Variants in OPCML observed in about 807,000 individuals in gnomAD.
The protein encoded by OPCML is opioid-binding protein/cell adhesion molecule.
OPCML carries 13 observed loss-of-function variants against 37.8 expected under a neutral mutation model. That is an observed-to-expected ratio of 0.34 (90% confidence interval 0.22 to 0.55). The LOEUF (loss-of-function observed/expected upper bound fraction) is 0.55, where lower values mean the gene tolerates loss of function less well. Ranked by LOEUF, OPCML falls within the 20% of genes least tolerant of loss-of-function variation. The pLI is 0.91. For synonymous variants in OPCML, 176 were observed against 168.8 expected, an observed-to-expected ratio of 1.04 and a Z score of -0.33; for missense variants, 341 against 435.6, an observed-to-expected ratio of 0.78 and a Z score of 1.93.
intron 2 of OPCML, among the ~76,000 whole-genome samples, chr11:132,853,218 A>G (rs1207550536): frequency 6.6e-6 from 1 of 152,224 alleles, no homozygotes; most frequent in African/African-American, 2.4e-5. Context: ...GAAAATAAGA[A>G]TTTTGGAAAA....
At chr11:133,051,091 C>T (rs546151630) in intron 1 of OPCML, among the ~76,000 whole-genome samples, 1 of 151,344 alleles carries the variant, frequency 6.6e-6, no homozygotes, top group South Asian at 2.1e-4. Flanking sequence ...ACACACCTCT[C>T]AAAGCTTATG....
At chr11:132,788,512 G>A (rs974982099) in intron 2 of OPCML, among the ~76,000 whole-genome samples, 8 of 151,956 alleles carry the variant, frequency 5.3e-5, no homozygotes, top group African/African-American at 1.5e-4. Flanking sequence ...CCTCTTCCTC[G>A]AGATACCTGT....
intron 1 of OPCML, among the ~76,000 whole-genome samples, chr11:133,048,887 G>C (rs1438500157): frequency 2.0e-5 from 3 of 152,200 alleles, no homozygotes; most frequent in African/African-American, 7.2e-5. Flanking sequence ...TGCCAAGCAA[G>C]CTAGTATCAT....
chr11:133,368,795 TA>T (rs1944609537), intron 1 of OPCML, among the ~76,000 whole-genome samples: 1 of 152,176 alleles, frequency 6.6e-6, no homozygotes, highest in Admixed American at 6.5e-5. Flanking sequence ...CCACTTAGGA[TA>T]GGAGCCATCT....
rs11604719 is a variant in OPCML, at chr11:133,052,165, C to T, written c.62-109155G>A. On this transcript the variant is annotated intron_variant, in intron 1 of 7. Coordinates refer to ENST00000524381, the MANE Select transcript of OPCML (RefSeq NM_001012393.5). ...ATGAGTAGGACATTAATTGAATACCCTATTTCCAAATAAACTAAGGGTTTT... is the reference window on the plus strand; with the variant it reads ...ATGAGTAGGACATTAATTGAATACCTTATTTCCAAATAAACTAAGGGTTTT... Among the ~76,000 whole-genome samples the T allele has an allele frequency of 4.2e-3, 634 of 152,242 alleles. 1 individual carries two copies. The highest frequency in any genetic ancestry group is 7.8e-3 in the Admixed American group (120 of 15,302).
intron 3 of OPCML, among the ~76,000 whole-genome samples, chr11:132,561,993 T>C (rs369877885): frequency 2.0e-5 from 3 of 152,204 alleles, no homozygotes; most frequent in African/African-American, 7.2e-5. Flanking sequence ...TAGACCGAAC[T>C]GAAGGCTTCC....
At chr11:133,128,769 T>C (rs1949559072) in intron 1 of OPCML, among the ~76,000 whole-genome samples, 1 of 152,118 alleles carries the variant, frequency 6.6e-6, no homozygotes, top group Admixed American at 6.6e-5. Flanking sequence ...GAGCTTTTCA[T>C]TGACACCAGG....
At chr11:133,484,773 C>CAAACTATCA (rs1947491798) in intron 1 of OPCML, among the ~76,000 whole-genome samples, 1 of 152,052 alleles carries the variant, frequency 6.6e-6, no homozygotes, top group African/African-American at 2.4e-5. Flanking sequence ...TAGAAGCTTT[C>CAAACTATCA]AACTATCAAA....
intron 2 of OPCML, among the ~76,000 whole-genome samples, chr11:132,868,602 G>A (rs1044492471): frequency 3.3e-5 from 5 of 152,064 alleles, no homozygotes; most frequent in Non-Finnish European, 4.4e-5. Flanking sequence ...CTTCTGGCCC[G>A]TGGGGAAGAA....
intron 1 of OPCML, among the ~76,000 whole-genome samples, chr11:132,972,155 A>C (rs566015641): frequency 1.3e-5 from 2 of 152,150 alleles, no homozygotes; most frequent in African/African-American, 4.8e-5. Flanking sequence ...CCTGATAATA[A>C]TGTCTTCCTG....
Position 132,827,980 on chromosome 11 carries a change from G to A in OPCML, c.146+114946C>T, listed in dbSNP as rs886379938. On this transcript the variant is annotated intron_variant, in intron 2 of 7. Transcript: ENST00000524381. The stretch of plus-strand genomic sequence containing the variant: ...GCTTCATTTATAATTGCCCAAACTC[G>A]CAAACAACCAAGATGTCCTTCAATA... 9.1e-4 allele frequency among the ~76,000 whole-genome samples: 139 copies of A among 152,098 alleles called. 2 individuals are homozygous for A. The highest frequency in any genetic ancestry group is 1.9e-4 in the East Asian group (1 of 5,176).
At chr11:133,191,696 G>C (rs1938328540) in intron 1 of OPCML, among the ~76,000 whole-genome samples, 1 of 152,078 alleles carries the variant, frequency 6.6e-6, no homozygotes, top group Non-Finnish European at 1.5e-5. Flanking sequence ...GTTTCACCAT[G>C]TTGGCCAGGC....
chr11:132,721,135 G>A (rs1387399916), intron 2 of OPCML, among the ~76,000 whole-genome samples: 1 of 152,088 alleles, frequency 6.6e-6, no homozygotes, highest in Non-Finnish European at 1.5e-5. Context: ...TCAACATTAT[G>A]TGCCAGGGTG....
rs542419657 is a variant in OPCML at position 133,430,218 on chromosome 11, T to C, written c.61+102046A>G. 2.0e-5 allele frequency among the ~76,000 whole-genome samples: 3 copies of C among 151,870 alleles called. No individual in the cohort carries two copies. The South Asian group carries it at 6.3e-4, about 32-fold the overall frequency. ...GGCATTGATGACTTGATAAGAGGTGTTTTGGTGGAGAGGTGAGATCTAAAA... is the reference window on the plus strand; with the variant it reads ...GGCATTGATGACTTGATAAGAGGTGCTTTGGTGGAGAGGTGAGATCTAAAA... On this transcript the variant is annotated intron_variant, in intron 1 of 7. Coordinates refer to ENST00000524381, the MANE Select transcript of OPCML (RefSeq NM_001012393.5).
At chr11:132,669,189 G>T (rs543504148) in intron 2 of OPCML, among the ~76,000 whole-genome samples, 2 of 152,154 alleles carry the variant, frequency 1.3e-5, no homozygotes, top group East Asian at 3.9e-4. Flanking sequence ...GACAGCGTCA[G>T]TGTATAAACA....
intron 1 of OPCML, among the ~76,000 whole-genome samples, chr11:132,947,932 G>C (rs776588327): frequency 6.6e-6 from 1 of 152,120 alleles, no homozygotes; most frequent in Non-Finnish European, 1.5e-5. Flanking sequence ...AATTCAATAT[G>C]CTCCAGTGAG....
In OPCML at chr11:132,479,183, A is replaced by C. The variant is rs1238714770; in HGVS notation, c.506-41824T>G. On this transcript the variant is annotated intron_variant, in intron 4 of 7. Coordinates refer to ENST00000524381, the MANE Select transcript of OPCML (RefSeq NM_001012393.5). The stretch of plus-strand genomic sequence containing the variant: ...GCTCAGGTCAGTGGGTGCATGAGCC[A>C]AAAAAGGGCGAGGCATTGCCTCACT... Among the ~76,000 whole-genome samples the C allele has an allele frequency of 9.9e-5, 15 of 152,128 alleles. 1 individual carries two copies. Among genetic ancestry groups the C allele is most frequent in the Admixed American group, 9.8e-4 (15 of 15,266 alleles).
intron 1 of OPCML, among the ~76,000 whole-genome samples, chr11:133,430,436 A>G (rs956258429): frequency 2.0e-5 from 3 of 152,236 alleles, no homozygotes; most frequent in African/African-American, 7.2e-5. Flanking sequence ...CAGATGGCCT[A>G]AAGAGTTACA....
chr11:133,140,828 ACGACGAAGAAGAC>A (rs1949780062), intron 1 of OPCML, among the ~76,000 whole-genome samples: 3 of 30,238 alleles, frequency 9.9e-5, no homozygotes, highest in African/African-American at 1.7e-4. Context: ...GAAGAAGACG[ACGACGAAGAAGAC>A]GACGACGACG....
Sources: allele counts gnomAD v4.1 joint callset (sites outside exome capture counted in the v4.1 genomes callset), GRCh38; gene constraint gnomAD v4.1.1; transcripts MANE v1.5; gene names NCBI Gene and HGNC (gene_info 2026-07-23, HGNC 2026-07-21).